TMEM108: variants seen among roughly 807,000 people sequenced by gnomAD.
The protein encoded by TMEM108 is cancer/testis antigen 124.
A neutral mutation model predicts 35.1 loss-of-function variants in TMEM108; 12 were observed. The ratio of observed to expected loss-of-function variants is 0.34; its 90% CI spans 0.22 to 0.55. The LOEUF (loss-of-function observed/expected upper bound fraction) is 0.55. Ranked by LOEUF, TMEM108 falls within the 20% of genes least tolerant of loss-of-function variation. The probability of loss-of-function intolerance (pLI) is 0.89; values close to 1 mark genes in which losing one functional copy is unlikely to be tolerated. For missense variants in TMEM108, 680 were observed against 753.3 expected (o/e 0.90, Z 1.14); for synonymous variants, 287 against 308.6 (o/e 0.93, Z 0.73).
At chr3:133,294,197 G>A (rs1317604412) in intron 3 of TMEM108, among the ~76,000 whole-genome samples, 2 of 152,162 alleles carry the variant, frequency 1.3e-5, no homozygotes, top group East Asian at 1.9e-4. Context: ...ATAAGTGATA[G>A]TGTTAAATAT....
At chr3:133,375,453 TA>T (rs1244761859) in intron 3 of TMEM108, among the ~76,000 whole-genome samples, 1 of 152,152 alleles carries the variant, frequency 6.6e-6, no homozygotes, top group Non-Finnish European at 1.5e-5. Flanking sequence ...TATTTGGAAT[TA>T]AAGCCTCTAG....
At chr3:133,360,994 T>TG (rs2072330948) in intron 3 of TMEM108, among the ~76,000 whole-genome samples, 1 of 152,234 alleles carries the variant, frequency 6.6e-6, no homozygotes, top group African/African-American at 2.4e-5. Context: ...ACAGCCCTCA[T>TG]GTAACCTCAA....
chr3:133,090,405 A>G (rs1475702952), intron 2 of TMEM108, among the ~76,000 whole-genome samples: 1 of 152,240 alleles, frequency 6.6e-6, no homozygotes, highest in African/African-American at 2.4e-5. Context: ...GAACTATTAC[A>G]TAGCTGCTGT....
intron 2 of TMEM108, among the ~76,000 whole-genome samples, chr3:133,193,230 A>G (rs569648418): frequency 2.6e-5 from 4 of 152,254 alleles, no homozygotes; most frequent in Admixed American, 1.3e-4. Context: ...TAACAGTTGC[A>G]CTTTCCCCTC....
intron 3 of TMEM108, among the ~76,000 whole-genome samples, chr3:133,236,388 G>A (rs1946237937): frequency 6.6e-6 from 1 of 152,064 alleles, no homozygotes. Context: ...ATAGAATTTA[G>A]AAGGAAAATA....
At chr3:133,205,207 C>G (rs1160936862) in intron 2 of TMEM108, among the ~76,000 whole-genome samples, 1 of 151,604 alleles carries the variant, frequency 6.6e-6, no homozygotes, top group African/African-American at 2.4e-5. Flanking sequence ...CGTCCTTGCA[C>G]ATGAGATGGG....
intron 2 of TMEM108, among the ~76,000 whole-genome samples, chr3:133,208,674 C>A (rs901869950): frequency 6.6e-6 from 1 of 152,144 alleles, no homozygotes; most frequent in South Asian, 2.1e-4. Flanking sequence ...TGGCCCAACT[C>A]TTTCAGAAGC....
At chr3:133,140,747 A>G (rs1944629815) in intron 2 of TMEM108, among the ~76,000 whole-genome samples, 1 of 152,220 alleles carries the variant, frequency 6.6e-6, no homozygotes, top group Non-Finnish European at 1.5e-5. Context: ...TTTGAGTGAT[A>G]GAAACATATC....
At chr3:133,147,386 C>T (rs1944736707) in intron 2 of TMEM108, among the ~76,000 whole-genome samples, 1 of 151,924 alleles carries the variant, frequency 6.6e-6, no homozygotes, top group Non-Finnish European at 1.5e-5. Context: ...TTTGAAACTT[C>T]TCCAACATCT....
At chr3:133,178,006 T>C (rs1576364258) in intron 2 of TMEM108, among the ~76,000 whole-genome samples, 1 of 152,060 alleles carries the variant, frequency 6.6e-6, no homozygotes, top group Non-Finnish European at 1.5e-5. Flanking sequence ...ACAAGCATTC[T>C]TATACATCAA....
chr3:133,383,625 A>G lies in TMEM108; in HGVS notation c.1450+2464A>G, dbSNP rs527998201. On this transcript the variant is annotated intron_variant, in intron 4 of 5. Coordinates refer to ENST00000321871, the MANE Select transcript of TMEM108 (RefSeq NM_023943.4). ...TAAGCTTGAAATTAGATCAGATCTTATTGCAAAGCTGGAAAGCCCATGGGC... is the reference window on the plus strand; with the variant it reads ...TAAGCTTGAAATTAGATCAGATCTTGTTGCAAAGCTGGAAAGCCCATGGGC... Among the ~76,000 whole-genome samples, 28 of 152,312 alleles carry G rather than the reference A, an allele frequency of 1.8e-4. No homozygotes were observed. In the South Asian group the frequency reaches 5.6e-3, roughly 30 times the overall value.
At chr3:133,308,216 C>T (rs1317523706) in intron 3 of TMEM108, among the ~76,000 whole-genome samples, 1 of 152,110 alleles carries the variant, frequency 6.6e-6, no homozygotes, top group African/African-American at 2.4e-5. Flanking sequence ...GTTTTGTATC[C>T]TGAGACTTTG....
chr3:133,048,911 C>A (rs563577340), intron 2 of TMEM108, among the ~76,000 whole-genome samples: 23 of 152,310 alleles, frequency 1.5e-4, no homozygotes, highest in African/African-American at 5.5e-4. Context: ...TAGTACTACT[C>A]AAAGTGTGGC....
chr3:133,049,630 T>C (rs1203030383), intron 2 of TMEM108, among the ~76,000 whole-genome samples: 1 of 152,192 alleles, frequency 6.6e-6, no homozygotes, highest in African/African-American at 2.4e-5. Context: ...CTACAGAAAG[T>C]GCCATGGGTA....
At chr3:133,242,631 G>A (rs1028682080) in intron 3 of TMEM108, among the ~76,000 whole-genome samples, 2 of 152,218 alleles carry the variant, frequency 1.3e-5, no homozygotes, top group African/African-American at 4.8e-5. Flanking sequence ...ATGCTCACAT[G>A]TAGCACTGGT....
chr3:133,295,460 G>T (rs1307450931), intron 3 of TMEM108, among the ~76,000 whole-genome samples: 1 of 152,200 alleles, frequency 6.6e-6, no homozygotes, highest in Admixed American at 6.5e-5. Flanking sequence ...TGCCTACCTG[G>T]CAAGTAGTCA....
intron 2 of TMEM108, among the ~76,000 whole-genome samples, chr3:133,120,656 T>G (rs1944341842): frequency 8.2e-6 from 1 of 122,058 alleles, no homozygotes; most frequent in Non-Finnish European, 1.9e-5. Context: ...ATATCTGCGG[T>G]ACTATGGATC....
intron 2 of TMEM108, among the ~76,000 whole-genome samples, chr3:133,053,419 T>G (rs1943429807): frequency 6.6e-6 from 1 of 152,224 alleles, no homozygotes; most frequent in Non-Finnish European, 1.5e-5. Flanking sequence ...CCTAAATTTG[T>G]GAGGTTATGT....
At chr3:133,176,665 G>A (rs534813891) in intron 2 of TMEM108, among the ~76,000 whole-genome samples, 2 of 152,078 alleles carry the variant, frequency 1.3e-5, no homozygotes, top group Non-Finnish European at 2.9e-5. Context: ...CACATTCAAA[G>A]CAGTGTGTAG....
Sources: allele counts gnomAD v4.1 joint callset (sites outside exome capture counted in the v4.1 genomes callset), GRCh38; gene constraint gnomAD v4.1.1; transcripts MANE v1.5; gene names NCBI Gene and HGNC (gene_info 2026-07-23, HGNC 2026-07-21).